The following PHF14 variants were observed in gnomAD, a reference collection of about 807,000 sequenced individuals.
PHF14 encodes PHD finger protein 14.
PHF14 carries 55 observed loss-of-function variants against 117.9 expected under a neutral mutation model. The ratio of observed to expected loss-of-function variants is 0.47; its 90% CI spans 0.38 to 0.58. The LOEUF (loss-of-function observed/expected upper bound fraction) is 0.58, where lower values mean the gene tolerates loss of function less well. Ranked by LOEUF, PHF14 falls within the 20% of genes least tolerant of loss-of-function variation. The pLI is 0.00. For missense variants in PHF14, 978 were observed against 1,122.2 expected (o/e 0.87, Z 1.84); for synonymous variants, 409 against 368.6 (o/e 1.11, Z -1.26).
intron 17 of PHF14, among the ~76,000 whole-genome samples, chr7:11,168,875 C>A (rs1039174939): frequency 6.6e-6 from 1 of 152,050 alleles, no homozygotes; most frequent in African/African-American, 2.4e-5. Context: ...CAGGAACCTG[C>A]TATGAATTAT....
intron 3 of PHF14, among the ~76,000 whole-genome samples, chr7:10,985,879 C>T (rs1453147797): frequency 6.6e-6 from 1 of 152,036 alleles, no homozygotes; most frequent in Non-Finnish European, 1.5e-5. Context: ...TCTCCAACTC[C>T]TGACCTCAAG....
At chr7:11,094,385 T>G (rs538732812) in intron 16 of PHF14, among the ~76,000 whole-genome samples, 2 of 152,352 alleles carry the variant, frequency 1.3e-5, no homozygotes, top group Admixed American at 6.5e-5. Flanking sequence ...AGAGTTGTTC[T>G]GCACTCCTTG....
At chr7:11,050,309 C>A (rs756621876) in intron 13 of PHF14, among the ~76,000 whole-genome samples, 10 of 152,196 alleles carry the variant, frequency 6.6e-5, no homozygotes, top group South Asian at 4.1e-4. Flanking sequence ...AACTAAATAT[C>A]AAATACAATT....
At chr7:11,075,236 G>A (rs1785787679) in intron 16 of PHF14, among the ~76,000 whole-genome samples, 1 of 152,008 alleles carries the variant, frequency 6.6e-6, no homozygotes, top group South Asian at 2.1e-4. Flanking sequence ...ACTGCACCTG[G>A]CCTTTCAGAC....
In PHF14 at chr7:11,042,785, G is replaced by A; in HGVS notation, c.2283G>A (p.Arg761=). 2 of 1,584,640 alleles carry A rather than the reference G, an allele frequency of 1.3e-6. No individual in the cohort carries two copies. Among genetic ancestry groups the A allele is most frequent in the East Asian group, 4.5e-5 (2 of 44,058 alleles). Residue 761 remains arginine, a synonymous_variant, in exon 13 of 18, where the codon AGG becomes AGA. Coordinates refer to ENST00000634607, the MANE Select transcript of PHF14 (RefSeq NM_001007157.2). ...GATGTCTGGATCCTCCTCTTACAAG[G>A]ATGCCAAGAAAGACCAAAAACAGTT... ...HLGCLDPPLT[R]MPRKTKNSYW...
At chr7:11,140,868 G>A (rs1227421332) in intron 17 of PHF14, among the ~76,000 whole-genome samples, 2 of 152,086 alleles carry the variant, frequency 1.3e-5, no homozygotes, top group East Asian at 3.8e-4. Flanking sequence ...TTCCTGGGAA[G>A]CGTCTTTGAT....
At chr7:11,040,057 A>G (rs1338807552) in intron 11 of PHF14, among the ~76,000 whole-genome samples, 14 of 152,130 alleles carry the variant, frequency 9.2e-5, no homozygotes. Flanking sequence ...GAGGTTTGCA[A>G]ATTTCCTTTT....
chr7:10,994,051 T>C (rs1327117486), intron 4 of PHF14, among the ~76,000 whole-genome samples: 9 of 149,368 alleles, frequency 6.0e-5, no homozygotes, highest in Non-Finnish European at 8.9e-5. Context: ...TCCACTCTGA[T>C]AAGAGGATAT....
intron 6 of PHF14, among the ~76,000 whole-genome samples, chr7:11,023,624 C>T (rs997171087): frequency 2.1e-4 from 32 of 152,106 alleles, no homozygotes; most frequent in African/African-American, 7.2e-4. Context: ...ATTAGGAGTT[C>T]GAGACCAGCC....
chr7:11,158,304 T>C (rs1378626483), intron 17 of PHF14, among the ~76,000 whole-genome samples: 1 of 152,118 alleles, frequency 6.6e-6, no homozygotes, highest in Non-Finnish European at 1.5e-5. Flanking sequence ...AGTTATTTTG[T>C]AGAATGTCCC....
At chr7:11,040,295 C>G (rs1446396380) in intron 11 of PHF14, among the ~76,000 whole-genome samples, 1 of 152,008 alleles carries the variant, frequency 6.6e-6, no homozygotes. Context: ...TCTAATTAAC[C>G]TATGGAACAC....
chr7:10,974,436 T>C, intron 1 of PHF14, 112 bp downstream of exon 1: 1 of 914,248 alleles, frequency 1.1e-6, no homozygotes, highest in South Asian at 1.4e-5. Context: ...GCAGGATTGG[T>C]GGACCCTCGC....
At chr7:11,028,913 A>G (rs557595389) in intron 7 of PHF14, 95 bp downstream of exon 7, 6 of 1,045,714 alleles carry the variant, frequency 5.7e-6, no homozygotes, top group Admixed American at 2.8e-5. Flanking sequence ...AAGAAATTTT[A>G]ACATTTATTC....
At chr7:10,999,856 CTCT>C (rs1309231865) in intron 4 of PHF14, among the ~76,000 whole-genome samples, 5 of 152,198 alleles carry the variant, frequency 3.3e-5, no homozygotes, top group African/African-American at 1.2e-4. Flanking sequence ...CATGTAACAA[CTCT>C]TCTTGTGTAA....
intron 16 of PHF14, among the ~76,000 whole-genome samples, chr7:11,079,244 C>T (rs1202207155): frequency 6.6e-6 from 1 of 152,096 alleles, no homozygotes; most frequent in Non-Finnish European, 1.5e-5. Context: ...ATAAAATATC[C>T]AGAATTAGGT....
At chr7:11,164,339 C>T (rs975771678) in intron 17 of PHF14, among the ~76,000 whole-genome samples, 5 of 152,082 alleles carry the variant, frequency 3.3e-5, no homozygotes, top group African/African-American at 9.6e-5. Flanking sequence ...TTTCTGATTA[C>T]GAAGGAAATC....
intron 17 of PHF14, among the ~76,000 whole-genome samples, chr7:11,127,053 C>T (rs998469011): frequency 1.3e-5 from 2 of 151,934 alleles, no homozygotes; most frequent in East Asian, 1.9e-4. Flanking sequence ...CTTCCTTTTT[C>T]CCCCAGTTAC....
At chr7:11,160,160 T>C (rs1788982919) in intron 17 of PHF14, among the ~76,000 whole-genome samples, 1 of 152,180 alleles carries the variant, frequency 6.6e-6, no homozygotes, top group South Asian at 2.1e-4. Context: ...TAAGAACATG[T>C]GGCATTTGAT....
At chr7:11,142,626 C>T (rs1192427848) in intron 17 of PHF14, among the ~76,000 whole-genome samples, 1 of 151,988 alleles carries the variant, frequency 6.6e-6, no homozygotes, top group Non-Finnish European at 1.5e-5. Flanking sequence ...CTTGTGACAA[C>T]TTTAACCTAT....
Sources: gnomAD v4.1 joint callset for allele counts (sites outside exome capture counted in the v4.1 genomes callset) on GRCh38, gnomAD v4.1.1 for gene constraint, MANE v1.5 for transcripts, NCBI Gene and HGNC (gene_info 2026-07-23, HGNC 2026-07-21) for gene names.